TENM1: variants seen among roughly 807,000 people sequenced by gnomAD.
The protein encoded by TENM1 is teneurin transmembrane protein 1.
TENM1 carries 35 observed loss-of-function variants against 174.8 expected under a neutral mutation model. The ratio of observed to expected loss-of-function variants is 0.20; its 90% CI spans 0.15 to 0.27. The LOEUF (loss-of-function observed/expected upper bound fraction) is 0.27. TENM1 is among the 10% of genes least tolerant of loss of function. TENM1 has a pLI of 1.00. For missense variants in TENM1, 1,633 were observed against 2,130.1 expected (o/e 0.77, Z 4.59); for synonymous variants, 781 against 798.7 (o/e 0.98, Z 0.37).
At chrX:125,059,200 A>T in the TENM1 span, among the ~76,000 whole-genome samples, 1 of 110,130 alleles carries the variant, frequency 9.1e-6, no homozygotes, top group African/African-American at 3.3e-5. Context: ...CCTGAATAAC[A>T]CCCCATTCTC....
At chrX:124,530,824 C>T (rs1001974051) in intron 15 of TENM1, among the ~76,000 whole-genome samples, 3 of 112,128 alleles carry the variant, frequency 2.7e-5, no homozygotes, top group African/African-American at 9.7e-5. Context: ...TAAACTAGTC[C>T]CTAAATAGGG....
intron 3 of TENM1, among the ~76,000 whole-genome samples, chrX:124,747,131 G>A (rs2053938042): frequency 9.5e-6 from 1 of 105,375 alleles, no homozygotes; most frequent in Non-Finnish European, 1.9e-5. Context: ...CAGCCTGGGC[G>A]ACACAGCAAG....
chrX:124,380,654 G>T, exon 32 of TENM1: 2 of 1,211,681 alleles, frequency 1.7e-6, no homozygotes, highest in Non-Finnish European at 2.2e-6. Flanking sequence ...TACCCGCCCA[G>T]TGCTCAAAAG....
At chrX:125,203,339 CCTTT>C in the TENM1 span, among the ~76,000 whole-genome samples, 108 of 112,707 alleles carry the variant, frequency 9.6e-4, 1 homozygote, top group African/African-American at 3.2e-3. Flanking sequence ...GAGAAGCGCC[CCTTT>C]CTTTCTTTTT....
At chrX:124,625,891 A>G (rs965576560) in intron 11 of TENM1, among the ~76,000 whole-genome samples, 11 of 111,038 alleles carry the variant, frequency 9.9e-5, no homozygotes, top group African/African-American at 3.6e-4. Context: ...GCAATTCTAC[A>G]TGAGATTTGG....
chrX:124,588,331 C>T (rs1279035229), intron 11 of TENM1, among the ~76,000 whole-genome samples: 6 of 111,414 alleles, frequency 5.4e-5, no homozygotes, highest in Non-Finnish European at 1.1e-4. Context: ...AAAAATGTGG[C>T]ACATATATGC....
At chrX:124,430,461 G>C (rs1314652846) in intron 23 of TENM1, among the ~76,000 whole-genome samples, 1 of 112,101 alleles carries the variant, frequency 8.9e-6, no homozygotes, top group Non-Finnish European at 1.9e-5. Context: ...TTTACAAATT[G>C]AATATAGTAA....
the TENM1 span, among the ~76,000 whole-genome samples, chrX:125,000,809 T>G: frequency 1.8e-5 from 2 of 111,640 alleles, no homozygotes; most frequent in Admixed American, 9.5e-5. Flanking sequence ...AGCTCCTCAT[T>G]ACATGAGGTT....
chrX:124,658,917 C>G (rs189172024), intron 6 of TENM1, among the ~76,000 whole-genome samples: 65 of 112,009 alleles, frequency 5.8e-4, no homozygotes, highest in African/African-American at 2.0e-3. Flanking sequence ...AGACACAATT[C>G]TCTATTTAGA....
chrX:125,064,458 T>A, the TENM1 span, among the ~76,000 whole-genome samples: 2 of 111,755 alleles, frequency 1.8e-5, no homozygotes, highest in African/African-American at 6.5e-5. Flanking sequence ...TCATTGATGC[T>A]TTACACAAAG....
At chrX:124,667,589 C>CA (rs200614775) in intron 6 of TENM1, among the ~76,000 whole-genome samples, 150 of 52,530 alleles carry the variant, frequency 2.9e-3, no homozygotes, top group African/African-American at 3.5e-3. Context: ...GACTCCATCT[C>CA]AAAAAAAAAA....
the TENM1 span, among the ~76,000 whole-genome samples, chrX:125,015,617 T>A: frequency 1.8e-5 from 2 of 111,459 alleles, no homozygotes; most frequent in African/African-American, 6.5e-5. Flanking sequence ...GTGCCTATGC[T>A]TTCTGTGTTG....
At chrX:124,756,197 T>C (rs1375136414) in intron 3 of TENM1, among the ~76,000 whole-genome samples, 4 of 102,929 alleles carry the variant, frequency 3.9e-5, no homozygotes, top group African/African-American at 1.6e-4. Context: ...TCTTTTTATT[T>C]TTTTTTTCTC....
the TENM1 span, among the ~76,000 whole-genome samples, chrX:125,142,970 A>G: frequency 1.1e-4 from 12 of 112,320 alleles, no homozygotes; most frequent in African/African-American, 3.9e-4. Flanking sequence ...ATGAGATAAA[A>G]GAATATGAAC....
At chrX:124,979,337 G>A in the TENM1 span, among the ~76,000 whole-genome samples, 1 of 111,721 alleles carries the variant, frequency 9.0e-6, no homozygotes, top group Non-Finnish European at 1.9e-5. Flanking sequence ...GAAGGTCATT[G>A]TAGATTATCT....
At chrX:124,796,101 A>T (rs2055299385) in intron 3 of TENM1, among the ~76,000 whole-genome samples, 1 of 111,538 alleles carries the variant, frequency 9.0e-6, no homozygotes, top group South Asian at 3.8e-4. Context: ...CATCACATTC[A>T]AAGAGGATTT....
At chrX:124,440,626 T>C (rs1206147722) in intron 23 of TENM1, among the ~76,000 whole-genome samples, 1 of 111,702 alleles carries the variant, frequency 9.0e-6, no homozygotes. Context: ...GAGAGCAGAA[T>C]AAATGATACA....
chrX:125,146,004 T>G, the TENM1 span, among the ~76,000 whole-genome samples: 7 of 111,765 alleles, frequency 6.3e-5, no homozygotes, highest in East Asian at 1.7e-3. Flanking sequence ...AAATACAAGG[T>G]CAGTCTTACA....
chrX:124,445,091 G>A (rs746141071), intron 23 of TENM1, among the ~76,000 whole-genome samples: 1 of 111,880 alleles, frequency 8.9e-6, no homozygotes, highest in South Asian at 3.8e-4. Flanking sequence ...GGATTGTCAT[G>A]AGGATTAAAT....
Sources: allele counts gnomAD v4.1 joint callset (sites outside exome capture counted in the v4.1 genomes callset), GRCh38; gene constraint gnomAD v4.1.1; transcripts MANE v1.5; gene names NCBI Gene and HGNC (gene_info 2026-07-23, HGNC 2026-07-21).